The following SDK1 variants were observed in gnomAD, a reference collection of about 807,000 sequenced individuals.
SDK1 encodes sidekick cell adhesion molecule 1.
SDK1 carries 157 observed loss-of-function variants against 245.5 expected under a neutral mutation model. The observed-to-expected ratio is 0.64, with a 90% CI of 0.56 to 0.73. The LOEUF (loss-of-function observed/expected upper bound fraction) is 0.73, where lower values mean the gene tolerates loss of function less well. Among genes scored for constraint, SDK1 ranks in the 30% least tolerant of loss-of-function variants. SDK1 has a pLI of 0.00. For missense variants in SDK1, 3,583 were observed against 3,002.3 expected (o/e 1.19, Z -4.52); for synonymous variants, 1,647 against 1,278.5 (o/e 1.29, Z -6.15).
rs1781889619 is a variant in SDK1 at position 4,092,741 on chromosome 7, G to A, written c.3324+13157G>A. ...GAGAGGTCTGCTGGGGCGCCGGGAG[G>A]ACACTGAGGAAGGAACAATAGAACC... is the stretch of plus-strand genomic sequence containing the variant. On this transcript the variant is annotated intron_variant, in intron 22 of 44. Coordinates refer to ENST00000404826, the MANE Select transcript of SDK1 (RefSeq NM_152744.4). 3.9e-5 allele frequency among the ~76,000 whole-genome samples: 6 copies of A among 152,148 alleles called. 1 individual carries two copies. Among genetic ancestry groups the A allele is most frequent in the Admixed American group, 3.3e-4 (5 of 15,264 alleles).
At chr7:3,618,021 G>A (rs1781821975) in intron 1 of SDK1, among the ~76,000 whole-genome samples, 1 of 152,060 alleles carries the variant, frequency 6.6e-6, no homozygotes, top group African/African-American at 2.4e-5. Flanking sequence ...GGGGACTTTT[G>A]TAGAAAAATG....
chr7:3,345,687 G>A (rs190135142), intron 1 of SDK1, among the ~76,000 whole-genome samples: 24 of 152,160 alleles, frequency 1.6e-4, no homozygotes, highest in Admixed American at 6.5e-4. Flanking sequence ...ACTCCTCAGC[G>A]TTATCTGTTT....
rs954548735 is a variant in SDK1 at position 4,178,539 on chromosome 7, G to C, written c.5051G>C (p.Gly1684Ala). The stretch of plus-strand genomic sequence containing the variant: ...ATAATGACCGCCTATAACATCATCG[G>C]CGAGAGCCCAGCCAGCGCGCCCGTG... ...EVIMTAYNII[G>A]ESPASAPVEV... Residue 1684 changes from glycine (G) to alanine (A), a missense_variant, in exon 35 of 45, where the codon GGC becomes GCC. Physicochemically the swap from Gly to Ala is moderately conservative, Grantham distance 60 (BLOSUM62 0). Coordinates refer to ENST00000404826, the MANE Select transcript of SDK1 (RefSeq NM_152744.4). 1.5e-5 allele frequency: 25 copies of C among 1,613,656 alleles called. No homozygotes were observed. Among genetic ancestry groups the C allele is most frequent in the Non-Finnish European group, 1.8e-5 (21 of 1,180,008 alleles).
chr7:3,599,345 G>A (rs192763321), intron 1 of SDK1, among the ~76,000 whole-genome samples: 1 of 151,832 alleles, frequency 6.6e-6, no homozygotes, highest in Non-Finnish European at 1.5e-5. Context: ...TGATTTCTGC[G>A]GATTCTTTGT....
In SDK1 at chr7:4,049,339, C is replaced by A; in HGVS notation, c.2603-9C>A. Reference sequence around the variant, plus strand: ...TGTTCTGCTGTCATCAATGACTGCCCTGCCACAGTGCCCACCGCGCCCCCG... The same window carrying A: ...TGTTCTGCTGTCATCAATGACTGCCATGCCACAGTGCCCACCGCGCCCCCG... On this transcript the variant is annotated splice_polypyrimidine_tract_variant and intron_variant, in intron 17 of 44. Transcript: ENST00000404826. 2.5e-6 allele frequency: 4 copies of A among 1,611,850 alleles called. No individual in the cohort carries two copies. Among genetic ancestry groups the A allele is most frequent in the Non-Finnish European group, 3.4e-6 (4 of 1,178,332 alleles).
chr7:4,164,061 A>G (rs1358017364), intron 32 of SDK1, among the ~76,000 whole-genome samples: 1 of 152,190 alleles, frequency 6.6e-6, no homozygotes, highest in African/African-American at 2.4e-5. Flanking sequence ...TGGGTAGGAT[A>G]GGAACCTTTC....
chr7:3,403,874 A>G lies in SDK1; in HGVS notation c.298+101990A>G, dbSNP rs1377380647. 7.9e-5 allele frequency among the ~76,000 whole-genome samples: 10 copies of G among 127,358 alleles called. No individual in the cohort carries two copies. The South Asian group carries it at 1.9e-3, about 24-fold the overall frequency. The allele number at this position is 127,358 out of a possible 152,430, so 83.6% of individuals were successfully genotyped here. On this transcript the variant is annotated intron_variant, in intron 1 of 44. Coordinates refer to ENST00000404826, the MANE Select transcript of SDK1 (RefSeq NM_152744.4). ...ATATATATATATATATATATAATAT[A>G]TATATTTATTTATATTATATATATA...
At chr7:3,986,451 T>G (rs1299866915) in intron 13 of SDK1, among the ~76,000 whole-genome samples, 1 of 152,252 alleles carries the variant, frequency 6.6e-6, no homozygotes, top group African/African-American at 2.4e-5. Context: ...TCTAAATGGC[T>G]AGTGTTGGAA....
chr7:4,213,893 G>T (rs979804304), intron 38 of SDK1, among the ~76,000 whole-genome samples: 1 of 152,258 alleles, frequency 6.6e-6, no homozygotes, highest in South Asian at 2.1e-4. Context: ...AGCATGTCCC[G>T]CTTACATGGG....
At chr7:3,491,124 C>G (rs1421595016) in intron 1 of SDK1, among the ~76,000 whole-genome samples, 1 of 152,134 alleles carries the variant, frequency 6.6e-6, no homozygotes, top group African/African-American at 2.4e-5. Flanking sequence ...ACTGAACTGC[C>G]CAGTAGAAGT....
chr7:3,618,985 A>T (rs756489498), intron 1 of SDK1, 95 bp from the exon 2 acceptor site: 1 of 1,046,310 alleles, frequency 9.6e-7, no homozygotes, highest in Non-Finnish European at 1.4e-6. Context: ...TCATTTTAAT[A>T]TTACGTTTGT....
chr7:3,765,698 A>G (rs1406005508), intron 4 of SDK1, among the ~76,000 whole-genome samples: 2 of 152,216 alleles, frequency 1.3e-5, no homozygotes, highest in African/African-American at 2.4e-5. Context: ...CAGAATTTAC[A>G]TATTGAAATG....
At chr7:4,188,282 T>A (rs1783003214) in intron 35 of SDK1, among the ~76,000 whole-genome samples, 1 of 152,200 alleles carries the variant, frequency 6.6e-6, no homozygotes, top group African/African-American at 2.4e-5. Context: ...GGCTTCTGAT[T>A]GGTTGGGCTT....
chr7:4,008,312 G>A (rs968955891), intron 14 of SDK1, among the ~76,000 whole-genome samples: 10 of 152,180 alleles, frequency 6.6e-5, no homozygotes, highest in Non-Finnish European at 2.9e-5. Context: ...GGTTTGTTAG[G>A]AATAACGCTC....
chr7:3,535,668 G>C (rs996963611), intron 1 of SDK1, among the ~76,000 whole-genome samples: 1 of 152,084 alleles, frequency 6.6e-6, no homozygotes, highest in African/African-American at 2.4e-5. Flanking sequence ...TATATTGGTC[G>C]TTCTTTTTCA....
intron 1 of SDK1, among the ~76,000 whole-genome samples, chr7:3,423,997 C>T (rs936910985): frequency 2.8e-4 from 42 of 151,922 alleles, no homozygotes; most frequent in African/African-American, 4.1e-4. Flanking sequence ...CTGCAACCTC[C>T]GCCTTCCAGG....
chr7:3,346,827 A>ATATATAT (rs1228887289), intron 1 of SDK1, among the ~76,000 whole-genome samples: 1 of 16,386 alleles, frequency 6.1e-5, no homozygotes, highest in Non-Finnish European at 1.1e-4. Context: ...ATATATATAT[A>ATATATAT]TTTTTTTTTT....
chr7:3,638,239 T>G (rs182511344), intron 2 of SDK1, among the ~76,000 whole-genome samples: 1 of 152,044 alleles, frequency 6.6e-6, no homozygotes, highest in African/African-American at 2.4e-5. Flanking sequence ...TGCGATAATC[T>G]CAGAAATAAA....
At chr7:3,321,911 C>A (rs1038720244) in intron 1 of SDK1, among the ~76,000 whole-genome samples, 7 of 149,160 alleles carry the variant, frequency 4.7e-5, no homozygotes, top group African/African-American at 1.7e-4. Context: ...GAAACTGTAG[C>A]GGAATGTATA....
Sources: allele counts gnomAD v4.1 joint callset (sites outside exome capture counted in the v4.1 genomes callset), GRCh38; gene constraint gnomAD v4.1.1; transcripts MANE v1.5; gene names NCBI Gene and HGNC (gene_info 2026-07-23, HGNC 2026-07-21).